Variants in ATP2B3 observed in about 807,000 individuals in gnomAD.
ATP2B3 encodes ATPase plasma membrane Ca2+ transporting 3.
A neutral mutation model predicts 70.8 loss-of-function variants in ATP2B3; 12 were observed. That is an observed-to-expected ratio of 0.17 (90% CI 0.11 to 0.27). ATP2B3 has a LOEUF of 0.27. ATP2B3 is among the 10% of genes least tolerant of loss of function. The pLI, the probability that ATP2B3 is intolerant of heterozygous loss-of-function variation, is 1.00. For missense variants in ATP2B3, 858 were observed against 1,118.5 expected, an observed-to-expected ratio of 0.77 and a Z score of 3.32; for synonymous variants, 460 against 497.8, an observed-to-expected ratio of 0.92 and a Z score of 1.01.
At position 153,529,879 on chromosome X, in the gene ATP2B3, A is replaced by G. The variant is rs1280329449; in HGVS notation, c.-126-6243A>G. The stretch of plus-strand genomic sequence containing the variant: ...ACGTCCTCAAGGGTCAGCCATGTTG[A>G]AGCCCGTCTCAGAATGGCCTTACTT... On this transcript the variant is annotated intron_variant, in intron 2 of 21. Coordinates refer to ENST00000263519, the MANE Select transcript of ATP2B3 (RefSeq NM_001001344.3). Among the ~76,000 whole-genome samples the G allele has an allele frequency of 4.5e-5, 5 of 112,289 alleles. No homozygotes were observed. The South Asian group carries it at 1.1e-3, about 25-fold the overall frequency.
Position 153,580,728 on chromosome X carries a change from A to T in ATP2B3, c.*430A>T, listed in dbSNP as rs182528792. On this transcript the variant is annotated 3_prime_UTR_variant, in exon 22 of 22. Transcript: ENST00000263519. ...GTGGGCAGGGGGCTGGTTTGGGTTT[A>T]TGGGGAGCTTTTGTTGCACCCATGC... The T allele has an allele frequency of 4.0e-3, 477 of 118,871 alleles. 3 individuals carry two copies. The highest frequency in any genetic ancestry group is 0.014 in the African/African-American group (436 of 30,152). 9.8% of individuals were successfully genotyped at this position (118,871 alleles called of 1,213,427 possible). A position where few individuals can be genotyped will look rare whatever the true frequency, so the allele number is the denominator to read the frequency against.
At chrX:153,526,221 A>G (rs369024190) in intron 2 of ATP2B3, among the ~76,000 whole-genome samples, 221 of 112,358 alleles carry the variant, frequency 2.0e-3, no homozygotes, top group South Asian at 0.012. Flanking sequence ...TGGGGAGAGC[A>G]GGCATCTGTC....
chrX:153,574,089 C>A (rs888217068), intron 21 of ATP2B3, among the ~76,000 whole-genome samples: 3 of 113,033 alleles, frequency 2.7e-5, no homozygotes, highest in Non-Finnish European at 5.6e-5. Context: ...GCTCTTCCCC[C>A]ACATAGAGAA....
intron 3 of ATP2B3, among the ~76,000 whole-genome samples, chrX:153,539,857 G>T (rs1162917226): frequency 3.5e-5 from 4 of 113,091 alleles, no homozygotes; most frequent in East Asian, 5.6e-4. Context: ...TGCCAGTCAC[G>T]CACGTAAGCT....
At chrX:153,554,052 T>C (rs1443398740) in intron 13 of ATP2B3, among the ~76,000 whole-genome samples, 2 of 113,695 alleles carry the variant, frequency 1.8e-5, no homozygotes, top group African/African-American at 6.4e-5. Flanking sequence ...CAGGCATTCA[T>C]GTATTGGATC....
intron 2 of ATP2B3, 130 bp from the exon 3 acceptor site, chrX:153,535,992 G>C: frequency 2.4e-6 from 1 of 424,169 alleles, no homozygotes; most frequent in East Asian, 4.0e-5. Flanking sequence ...GCCCAGCCTG[G>C]GAGGTGATTT....
chrX:153,542,415 AAG>A lies in ATP2B3; in HGVS notation c.758_759del (p.Lys253IlefsTer3). The A allele has an allele frequency of 8.3e-7, 1 of 1,211,671 alleles. No individual in the cohort carries two copies. Among genetic ancestry groups the A allele is most frequent in the Non-Finnish European group, 1.1e-6 (1 of 895,500 alleles). ...SLTGESDHVR[K>X]SADKDPMLLS... ...GACGGGCGAGTCTGACCACGTGCGC[AAG>A]TCAGCTGACAAAGATCCCATGCTGC... On this transcript the variant is annotated frameshift_variant, in exon 6 of 22. Coordinates refer to ENST00000263519, the MANE Select transcript of ATP2B3 (RefSeq NM_001001344.3). LOFTEE classifies it high-confidence loss of function.
At position 153,517,680 on chromosome X, in the gene ATP2B3, C is replaced by T. The variant is rs1214261044; in HGVS notation, c.-442C>T. On this transcript the variant is annotated 5_prime_UTR_variant, in exon 1 of 22. Transcript: ENST00000263519. ...GAGCCGAGCGCGCCGCGTCGCCCGCCGCCGGTGCAGAGCGTGGGGAGCACT... is the reference window on the plus strand; with the variant it reads ...GAGCCGAGCGCGCCGCGTCGCCCGCTGCCGGTGCAGAGCGTGGGGAGCACT... The T allele has an allele frequency of 9.3e-6, 1 of 108,072 alleles. No individual in the cohort carries two copies. Among genetic ancestry groups the T allele is most frequent in the Non-Finnish European group, 1.9e-5 (1 of 51,397 alleles). The allele number at this position is 108,072 out of a possible 1,213,427, so 8.9% of individuals were successfully genotyped here.
intron 2 of ATP2B3, among the ~76,000 whole-genome samples, chrX:153,530,393 G>C (rs139020091): frequency 0.027 from 3,013 of 111,191 alleles, 50 homozygotes; most frequent in Middle Eastern, 0.066. Context: ...AGAGTAGAGC[G>C]CTGGGCCACC....
chrX:153,570,106 G>A (rs1328085571), intron 21 of ATP2B3: 6 of 328,717 alleles, frequency 1.8e-5, no homozygotes, highest in East Asian at 5.3e-5. Flanking sequence ...GGTGTCTGGT[G>A]TCAGGCTAGG....
intron 11 of ATP2B3, 118 bp from the exon 12 acceptor site, chrX:153,549,926 TC>T: frequency 3.6e-6 from 4 of 1,111,612 alleles, no homozygotes; most frequent in Non-Finnish European, 4.7e-6. Context: ...CTTCCTCTGC[TC>T]CCTGCCGCCC....
At position 153,550,276 on chromosome X, in the gene ATP2B3, C is replaced by T. The variant is rs1557011000; in HGVS notation, c.1813C>T (p.Leu605Phe). 8.3e-7 allele frequency: 1 copy of T among 1,210,357 alleles called. No individual in the cohort carries two copies. The highest frequency in any genetic ancestry group is 1.7e-5 in the African/African-American group (1 of 57,575). Reference protein sequence around the residue: ...RLFSKGASEILLKKCTNILNS... With the variant: ...RLFSKGASEIFLKKCTNILNS... Reference sequence around the variant, plus strand: ...CTTCAGCAAGGGGGCCTCAGAGATCCTCTTGAAAAAGTGAGTGAGCAGCAG... The same window carrying T: ...CTTCAGCAAGGGGGCCTCAGAGATCTTCTTGAAAAAGTGAGTGAGCAGCAG... The change falls in exon 12 of 22, where the codon CTC (leucine) becomes TTC (phenylalanine). Residue 605 changes from leucine (L) to phenylalanine (F), a missense_variant. By Grantham distance (22) the Leu-to-Phe change is conservative. Transcript: ENST00000263519.
intron 21 of ATP2B3, among the ~76,000 whole-genome samples, chrX:153,567,486 C>T (rs1241414414): frequency 8.9e-6 from 1 of 112,837 alleles, no homozygotes; most frequent in East Asian, 2.8e-4. Context: ...CCTCGGCGGC[C>T]CACTTCACTC....
chrX:153,519,634 C>T (rs1324718141), intron 2 of ATP2B3, among the ~76,000 whole-genome samples: 1 of 112,846 alleles, frequency 8.9e-6, no homozygotes, highest in Non-Finnish European at 1.9e-5. Flanking sequence ...TCTGCGCCAT[C>T]GGAACGGGCT....
Position 153,553,147 on chromosome X carries a change from A to G in ATP2B3, c.1936A>G (p.Ile646Val), listed in dbSNP as rs2090483120. Residue 646 changes from isoleucine (I) to valine (V), a missense_variant, in exon 13 of 22, where the codon ATC (isoleucine) becomes GTC (valine). Coordinates refer to ENST00000263519, the MANE Select transcript of ATP2B3 (RefSeq NM_001001344.3). ...EPMACDGLRT[I>V]CIAYRDFSAG... Reference sequence around the variant, plus strand: ...GATGGCTTGCGATGGCCTCCGCACCATCTGCATCGCCTACCGGGACTTCTC... The same window carrying G: ...GATGGCTTGCGATGGCCTCCGCACCGTCTGCATCGCCTACCGGGACTTCTC... 1 of 1,211,916 alleles carries G rather than the reference A, an allele frequency of 8.3e-7. No individual in the cohort carries two copies. Among genetic ancestry groups the G allele is most frequent in the Non-Finnish European group, 1.1e-6 (1 of 895,467 alleles).
rs139665416 is a variant in ATP2B3 at position 153,540,486 on chromosome X, C to T, written c.209-873C>T. Among the ~76,000 whole-genome samples the T allele has an allele frequency of 9.4e-4, 106 of 112,426 alleles. 1 individual carries two copies. In the East Asian group the frequency reaches 0.016, roughly 17 times the overall value. ...CTCCCATTAGCTCTCATGCTCCCTC[C>T]CCACTGCTTCTTCCCCGAGAAACTT... is the stretch of plus-strand genomic sequence containing the variant. On this transcript the variant is annotated intron_variant, in intron 3 of 21. Transcript: ENST00000263519.
At position 153,548,889 on chromosome X, in the gene ATP2B3, G is replaced by A. The variant is rs782629746; in HGVS notation, c.1338+35G>A. 1.1e-3 allele frequency: 1,287 copies of A among 1,173,496 alleles called. 14 individuals carry two copies. In the South Asian group the frequency reaches 0.022, roughly 20 times the overall value. On this transcript the variant is annotated intron_variant, in intron 10 of 21. Coordinates refer to ENST00000263519, the MANE Select transcript of ATP2B3 (RefSeq NM_001001344.3). ...AAACTTACAGTTGATACTGTTTACA[G>A]ACTCGGAAACTGGGGTAAGAAGTCA...
chrX:153,541,459 G>T lies in ATP2B3; in HGVS notation c.309G>T (p.Trp103Cys), dbSNP rs781931898. 1 of 1,211,903 alleles carries T rather than the reference G, an allele frequency of 8.3e-7. No homozygotes were observed. The highest frequency in any genetic ancestry group is 1.1e-6 in the Non-Finnish European group (1 of 895,555). ...CCAAGACCTTCCTGCAGCTGGTGTG[G>T]GAGGCCCTGCAGGACGTGACCCTCA... Reference protein sequence around the residue: ...KQPKTFLQLVWEALQDVTLII... With the variant: ...KQPKTFLQLVCEALQDVTLII... Residue 103 changes from tryptophan (W) to cysteine (C), a missense_variant, in exon 4 of 22, where the codon TGG becomes TGT. This residue lies in a region of ATP2B3 where 278 missense variants were observed against 366.2 expected (regional missense o/e 0.76). Coordinates refer to ENST00000263519, the MANE Select transcript of ATP2B3 (RefSeq NM_001001344.3).
In ATP2B3 at chrX:153,569,521, C is replaced by T; in HGVS notation, c.3342+4418C>T. 3 of 1,088,319 alleles carry T rather than the reference C, an allele frequency of 2.8e-6. No homozygotes were observed. In the Middle Eastern group the frequency reaches 9.9e-4, roughly 359 times the overall value. The allele number at this position is 1,088,319 out of a possible 1,213,427, so 89.7% of individuals were successfully genotyped here. ...GTCACCCTATGTGCCCAGTGGTGGC[C>T]CCTATCCTCGCCCAGCCCTCCCCTC... is the stretch of plus-strand genomic sequence containing the variant. On this transcript the variant is annotated intron_variant, in intron 21 of 21. Coordinates refer to ENST00000263519, the MANE Select transcript of ATP2B3 (RefSeq NM_001001344.3).
Sources: gnomAD v4.1 joint callset for allele counts (sites outside exome capture counted in the v4.1 genomes callset) on GRCh38, gnomAD v4.1.1 for gene constraint, gnomAD v4.1.1 regional missense constraint, MANE v1.5 for transcripts, NCBI Gene and HGNC (gene_info 2026-07-23, HGNC 2026-07-21) for gene names.